Variants in RABL2B observed in about 807,000 individuals in gnomAD.
The protein encoded by RABL2B is RAB, member of RAS oncogene family like 2B.
In RABL2B, 17 loss-of-function variants were observed where a neutral mutation model predicts 26.7. That is an observed-to-expected ratio of 0.64 (90% CI 0.44 to 0.95). RABL2B has a LOEUF of 0.95. RABL2B is among the 40% of genes least tolerant of loss of function. RABL2B has a pLI of 0.00. For missense variants in RABL2B, 170 were observed against 277.2 expected, an observed-to-expected ratio of 0.61 and a Z score of 2.75; for synonymous variants, 70 against 103.9, an observed-to-expected ratio of 0.67 and a Z score of 1.99.
At chr22:50,774,554 G>A in intron 5 of RABL2B, among the ~76,000 whole-genome samples, 1 of 148,194 alleles carries the variant, frequency 6.7e-6, no homozygotes, top group South Asian at 2.1e-4. Context: ...CTGGAACCCA[G>A]CCTTGGAGTC....
rs145780725 is a variant in RABL2B, at chr22:50,772,955, G to A, written c.297+2817C>T. ...CCTCAGCTCCCCGTGTGGTCAGAAG[G>A]CAAGTGCTTTCTACTCGCCAGGGCC... On this transcript the variant is annotated intron_variant, in intron 5 of 8. Transcript: ENST00000691320. 3.8e-3 allele frequency: 4,890 copies of A among 1,273,456 alleles called. 135 individuals are homozygous for A. In the African/African-American group the frequency reaches 0.066, roughly 17 times the overall value. The allele number at this position is 1,273,456 out of a possible 1,614,324, so 78.9% of individuals were successfully genotyped here.
At chr22:50,781,345 A>G (rs1378662268) in intron 2 of RABL2B, among the ~76,000 whole-genome samples, 26 of 126,856 alleles carry the variant, frequency 2.0e-4, no homozygotes, top group African/African-American at 7.5e-4. Flanking sequence ...CTCCGTCTCA[A>G]AAAAAAAAAA....
intron 5 of RABL2B, among the ~76,000 whole-genome samples, chr22:50,773,728 G>C (rs2084538482): frequency 6.6e-6 from 1 of 151,342 alleles, no homozygotes; most frequent in South Asian, 2.1e-4. Context: ...GAACAGAGCA[G>C]CTCCTTCTGC....
At position 50,776,216 on chromosome 22, in the gene RABL2B, A is replaced by G. The variant is rs2084956154; in HGVS notation, c.218-365T>C. On this transcript the variant is annotated intron_variant, in intron 4 of 8. Transcript: ENST00000691320. ...CGTGCGCTGACCACAGACGGTAGAC[A>G]GAGTCAGGCAGGCTGTGTGCCCGGC... Among the ~76,000 whole-genome samples the G allele has an allele frequency of 2.0e-5, 3 of 152,216 alleles. No individual in the cohort carries two copies. In the South Asian group the frequency reaches 6.2e-4, roughly 31 times the overall value.
chr22:50,769,533 T>G lies in RABL2B; in HGVS notation c.429A>C (p.Gln143His), dbSNP rs1383498372. 24 of 1,612,764 alleles carry G rather than the reference T, an allele frequency of 1.5e-5. No individual in the cohort carries two copies. The highest frequency in any genetic ancestry group is 1.9e-5 in the Non-Finnish European group (23 of 1,179,788). The change falls in exon 7 of 9, where the codon CAA becomes CAC. Residue 143 changes from glutamine (Q) to histidine (H), a missense_variant. This residue lies in a region of RABL2B where 165 missense variants were observed against 232.0 expected (regional missense o/e 0.71). Transcript: ENST00000691320. ...NKIDADINVT[Q>H]KSFNFAKKFS... The stretch of plus-strand genomic sequence containing the variant: ...ACTTCTTGGCAAAATTGAAGCTTTT[T>G]TGGGTCACGTTTATGTCTGCTGTAG...
intron 1 of RABL2B, chr22:50,782,733 TATG>T (rs1403458861): frequency 5.6e-6 from 1 of 179,280 alleles, no homozygotes; most frequent in African/African-American, 2.8e-5. Flanking sequence ...ATAGAAATGA[TATG>T]ATGATGAGAC....
chr22:50,782,501 C>G lies in RABL2B; in HGVS notation c.-53-154G>C, dbSNP rs1365501567. ...ACTTGGAGTAGCAGAGTATGACACA[C>G]AGGCATCAATAATATGTTATACACA... On this transcript the variant is annotated intron_variant, in intron 1 of 8. Transcript: ENST00000691320. 2.3e-6 allele frequency: 3 copies of G among 1,294,044 alleles called. No individual in the cohort carries two copies. The Admixed American group carries it at 7.4e-5, about 32-fold the overall frequency. 80.2% of individuals were successfully genotyped at this position (1,294,044 alleles called of 1,614,324 possible).
In RABL2B at chr22:50,768,404, G is replaced by C; in HGVS notation, c.*372C>G. 3.1e-6 allele frequency: 1 copy of C among 317,872 alleles called. No homozygotes were observed. Among genetic ancestry groups the C allele is most frequent in the Non-Finnish European group, 5.9e-6 (1 of 168,490 alleles). The allele number at this position is 317,872 out of a possible 1,614,324, so 19.7% of individuals were successfully genotyped here. A position where few individuals can be genotyped will look rare whatever the true frequency, so the allele number is the denominator to read the frequency against. Reference sequence around the variant, plus strand: ...AGGAATTGTCCCCGAGGTGAGCTTTGGAAAGAAAACAAAAACAAAAACAAA... The same window carrying C: ...AGGAATTGTCCCCGAGGTGAGCTTTCGAAAGAAAACAAAAACAAAAACAAA... On this transcript the variant is annotated 3_prime_UTR_variant, in exon 9 of 9. Transcript: ENST00000691320.
In RABL2B at chr22:50,772,318, C is replaced by T. The variant is rs372438203; in HGVS notation, c.298-2302G>A. 81 of 985,084 alleles carry T rather than the reference C, an allele frequency of 8.2e-5. 1 individual carries two copies. The East Asian group carries it at 3.1e-3, about 37-fold the overall frequency. 61.0% of individuals were successfully genotyped at this position (985,084 alleles called of 1,614,324 possible). A position where few individuals can be genotyped will look rare whatever the true frequency, so the allele number is the denominator to read the frequency against. ...TACTGGGATTAAAGGCATGAGTCAC[C>T]GCGCCCAGCCTGTTTCTACCTATTT... is the stretch of plus-strand genomic sequence containing the variant. On this transcript the variant is annotated intron_variant, in intron 5 of 8. Coordinates refer to ENST00000691320, the MANE Select transcript of RABL2B (RefSeq NM_001130919.3).
chr22:50,779,980 C>T (rs1224750916), intron 2 of RABL2B, among the ~76,000 whole-genome samples: 3 of 151,884 alleles, frequency 2.0e-5, no homozygotes, highest in Non-Finnish European at 4.4e-5. Flanking sequence ...GACTCTGTCT[C>T]CAAAAAACAA....
At chr22:50,774,087 G>A (rs553352288) in intron 5 of RABL2B, among the ~76,000 whole-genome samples, 1 of 152,224 alleles carries the variant, frequency 6.6e-6, no homozygotes, top group Admixed American at 6.5e-5. Context: ...AGTAGAGACG[G>A]GGTTTCACCG....
intron 5 of RABL2B, 199 bp from the exon 6 acceptor site, chr22:50,770,215 T>C (rs1603448993): frequency 1.6e-6 from 1 of 643,564 alleles, no homozygotes; most frequent in East Asian, 3.0e-5. Flanking sequence ...GCGAAAATGT[T>C]TTTAAAAATC....
rs1402680053 is a variant in RABL2B at position 50,780,133 on chromosome 22, C to T, written c.107+2055G>A. ...GAAAAGCCTTCCACAGGAGGCAGTG[C>T]CCAGGTCTGAGGTCACCTGTTCACA... On this transcript the variant is annotated intron_variant, in intron 2 of 8. Transcript: ENST00000691320. 6.6e-4 allele frequency among the ~76,000 whole-genome samples: 100 copies of T among 152,098 alleles called. 1 individual carries two copies. Among genetic ancestry groups the T allele is most frequent in the African/African-American group, 2.4e-3 (99 of 41,462 alleles).
In RABL2B at chr22:50,767,839, T is replaced by C. The variant is rs2083617231; in HGVS notation, c.*937A>G. ...TTTACGGCTTGTGTATTCCTAACTA[T>C]AGCTAGGCCTGTCACCTGCTGTTCC... is the stretch of plus-strand genomic sequence containing the variant. On this transcript the variant is annotated 3_prime_UTR_variant, in exon 9 of 9. Transcript: ENST00000691320. 7.0e-6 allele frequency: 3 copies of C among 429,662 alleles called. No homozygotes were observed. The highest frequency in any genetic ancestry group is 5.0e-5 in the South Asian group (3 of 60,410). The allele number at this position is 429,662 out of a possible 1,614,324, so 26.6% of individuals were successfully genotyped here.
intron 2 of RABL2B, among the ~76,000 whole-genome samples, 155 bp from the exon 3 acceptor site, chr22:50,778,136 T>G (rs9616970): frequency 1.3e-5 from 2 of 151,720 alleles, no homozygotes; most frequent in Non-Finnish European, 2.9e-5. Context: ...AGTCTGGAAG[T>G]TGGGTATCAG....
In RABL2B at chr22:50,769,905, C is replaced by G. The variant is rs782469302; in HGVS notation, c.409G>C (p.Ala137Pro). 12 of 1,612,748 alleles carry G rather than the reference C, an allele frequency of 7.4e-6. No homozygotes were observed. Among genetic ancestry groups the G allele is most frequent in the Non-Finnish European group, 3.4e-6 (4 of 1,179,274 alleles). ...PCIVVANKID[A>P]DINVTQKSFN... ...CACCCAGGTGCAGGGATGGCCCCACCATCAATTTTATTGGCCACCACGATG... is the reference window on the plus strand; with the variant it reads ...CACCCAGGTGCAGGGATGGCCCCACGATCAATTTTATTGGCCACCACGATG... Residue 137 changes from alanine to proline, a missense_variant and splice_region_variant, in exon 6 of 9, where the codon GCA (alanine) becomes CCA (proline). Ala to Pro is a conservative substitution (Grantham distance 27, BLOSUM62 -1). Coordinates refer to ENST00000691320, the MANE Select transcript of RABL2B (RefSeq NM_001130919.3).
At chr22:50,780,346 T>C (rs2085620320) in intron 2 of RABL2B, among the ~76,000 whole-genome samples, 1 of 151,268 alleles carries the variant, frequency 6.6e-6, no homozygotes, top group Non-Finnish European at 1.5e-5. Flanking sequence ...TCTCTAGAAA[T>C]GAGGCCGTGT....
In RABL2B at chr22:50,768,647, C is replaced by T; in HGVS notation, c.*129G>A. The T allele has an allele frequency of 6.7e-7, 1 of 1,486,812 alleles. No individual in the cohort carries two copies. The highest frequency in any genetic ancestry group is 9.0e-7 in the Non-Finnish European group (1 of 1,114,232). The allele number at this position is 1,486,812 out of a possible 1,614,324, so 92.1% of individuals were successfully genotyped here. A position where few individuals can be genotyped will look rare whatever the true frequency, so the allele number is the denominator to read the frequency against. On this transcript the variant is annotated 3_prime_UTR_variant, in exon 9 of 9. Transcript: ENST00000691320. ...TATCACGGGCCTAGAATGTGGGAGGCTAATAGGATGGGTGGGTTGCAGGAG... is the reference window on the plus strand; with the variant it reads ...TATCACGGGCCTAGAATGTGGGAGGTTAATAGGATGGGTGGGTTGCAGGAG...
At chr22:50,782,420 C>A (rs2747975) in intron 1 of RABL2B, 73 bp from the exon 2 acceptor site, 95,489 of 1,256,970 alleles carry the variant, frequency 0.076, 8,250 homozygotes, top group African/African-American at 0.42. Context: ...CTGTACCTCC[C>A]TCCAGACTGC....
Sources: allele counts gnomAD v4.1 joint callset (sites outside exome capture counted in the v4.1 genomes callset), GRCh38; gene constraint gnomAD v4.1.1; regional missense constraint gnomAD v4.1.1; transcripts MANE v1.5; gene names NCBI Gene and HGNC (gene_info 2026-07-23, HGNC 2026-07-21).